The following SHISA9 variants were observed in gnomAD, a reference collection of about 807,000 sequenced individuals.
SHISA9 encodes the protein shisa family member 9, also known as protein shisa-9.
A neutral mutation model predicts 38.0 loss-of-function variants in SHISA9; 13 were observed. The ratio of observed to expected loss-of-function variants is 0.34; its 90% CI spans 0.22 to 0.54. SHISA9 has a LOEUF of 0.54. Ranked by LOEUF, SHISA9 falls within the 20% of genes least tolerant of loss-of-function variation. The pLI, the probability that SHISA9 is intolerant of heterozygous loss-of-function variation, is 0.91. For missense variants in SHISA9, 538 were observed against 575.8 expected (o/e 0.93, Z 0.67); for synonymous variants, 275 against 242.0 (o/e 1.14, Z -1.27).
chr16:13,327,832 T>C, the SHISA9 span, among the ~76,000 whole-genome samples: 1 of 151,606 alleles, frequency 6.6e-6, no homozygotes, highest in African/African-American at 2.4e-5. Flanking sequence ...AATTTTTGTA[T>C]TTTTTTAGTA....
chr16:13,496,409 G>A, the SHISA9 span, among the ~76,000 whole-genome samples: 1 of 151,992 alleles, frequency 6.6e-6, no homozygotes, highest in African/African-American at 2.4e-5. Context: ...TTAAAATTTA[G>A]TACAACTAGA....
At chr16:13,024,263 T>C (rs1596593253) in intron 2 of SHISA9, among the ~76,000 whole-genome samples, 1 of 152,214 alleles carries the variant, frequency 6.6e-6, no homozygotes, top group South Asian at 2.1e-4. Context: ...CTGGCAGCTG[T>C]AGGGAGGGAC....
At chr16:13,186,375 G>A (rs2050823310) in intron 2 of SHISA9, among the ~76,000 whole-genome samples, 1 of 135,492 alleles carries the variant, frequency 7.4e-6, no homozygotes, top group Non-Finnish European at 1.5e-5. Flanking sequence ...TCGGCTCACT[G>A]CAACCTCTGC....
chr16:12,949,876 A>G (rs533266354), intron 2 of SHISA9, among the ~76,000 whole-genome samples: 68 of 152,268 alleles, frequency 4.5e-4, no homozygotes, highest in African/African-American at 1.5e-3. Context: ...GGACCATTCC[A>G]AATTTTCTCT....
the SHISA9 span, among the ~76,000 whole-genome samples, chr16:13,340,525 T>C: frequency 6.6e-6 from 1 of 152,172 alleles, no homozygotes; most frequent in African/African-American, 2.4e-5. Flanking sequence ...AGACACATGA[T>C]CAAAACTGTC....
chr16:13,438,227 GA>G, the SHISA9 span, among the ~76,000 whole-genome samples: 1 of 152,156 alleles, frequency 6.6e-6, no homozygotes, highest in Non-Finnish European at 1.5e-5. Context: ...CACCTTGTGT[GA>G]CCCTTAGTTT....
the SHISA9 span, among the ~76,000 whole-genome samples, chr16:13,321,944 G>A: frequency 6.6e-6 from 1 of 152,184 alleles, no homozygotes; most frequent in Admixed American, 6.5e-5. Context: ...ATTTTTTAAA[G>A]TACCTGACAC....
intron 2 of SHISA9, among the ~76,000 whole-genome samples, chr16:13,031,040 C>G (rs748672405): frequency 1.2e-4 from 18 of 152,166 alleles, no homozygotes; most frequent in Non-Finnish European, 2.4e-4. Context: ...TATCTTCCAG[C>G]CGTTTATATG....
chr16:12,981,201 G>C (rs1015972404), intron 2 of SHISA9, among the ~76,000 whole-genome samples: 4 of 152,196 alleles, frequency 2.6e-5, no homozygotes, highest in Admixed American at 6.5e-5. Flanking sequence ...CAGGGGCTAG[G>C]GGGTAGGTGA....
At chr16:13,451,352 C>A in the SHISA9 span, among the ~76,000 whole-genome samples, 1 of 152,312 alleles carries the variant, frequency 6.6e-6, no homozygotes, top group East Asian at 1.9e-4. Context: ...TGGGAAGAAA[C>A]CAAGCACAGA....
chr16:13,120,217 G>T (rs1418224467), intron 2 of SHISA9, among the ~76,000 whole-genome samples: 2 of 152,228 alleles, frequency 1.3e-5, no homozygotes, highest in African/African-American at 4.8e-5. Flanking sequence ...AAGCTAGTTT[G>T]AACGCAGAGT....
At position 13,202,396 on chromosome 16, in the gene SHISA9, A is replaced by G. The variant is rs1484787357; in HGVS notation, c.692-998A>G. Among the ~76,000 whole-genome samples the G allele has an allele frequency of 1.5e-5, 2 of 132,288 alleles. 1 individual carries two copies. The highest frequency in any genetic ancestry group is 1.5e-4 in the Admixed American group (2 of 13,388). 86.8% of individuals were successfully genotyped at this position (132,288 alleles called of 152,430 possible). A position where few individuals can be genotyped will look rare whatever the true frequency, so the allele number is the denominator to read the frequency against. On this transcript the variant is annotated intron_variant, in intron 2 of 4. Transcript: ENST00000558583. ...CTTCCTGTAGATCTCAGCTCAGAAA[A>G]ACCTTCCTGAATCTCTCTTTCCTTG...
intron 2 of SHISA9, among the ~76,000 whole-genome samples, chr16:12,954,734 A>G (rs1319980363): frequency 6.6e-6 from 1 of 152,192 alleles, no homozygotes; most frequent in Non-Finnish European, 1.5e-5. Flanking sequence ...AGATTAGGAA[A>G]CAGTTGTAGA....
the SHISA9 span, among the ~76,000 whole-genome samples, chr16:13,388,510 C>A: frequency 7.2e-5 from 11 of 151,984 alleles, no homozygotes; most frequent in Admixed American, 3.9e-4. Flanking sequence ...CAGGTTTTCA[C>A]CATGTTGGCC....
At chr16:12,992,676 G>A (rs1233199319) in intron 2 of SHISA9, among the ~76,000 whole-genome samples, 2 of 152,206 alleles carry the variant, frequency 1.3e-5, no homozygotes, top group East Asian at 3.9e-4. Context: ...ACAAAAGGCT[G>A]TTTTCCGCAA....
the SHISA9 span, among the ~76,000 whole-genome samples, chr16:13,263,114 T>A: frequency 6.6e-6 from 1 of 152,204 alleles, no homozygotes; most frequent in Non-Finnish European, 1.5e-5. Flanking sequence ...GAGCCTTCAC[T>A]CCACCTCACT....
chr16:13,441,305 C>T, the SHISA9 span, among the ~76,000 whole-genome samples: 1 of 152,168 alleles, frequency 6.6e-6, no homozygotes, highest in African/African-American at 2.4e-5. Flanking sequence ...TCAGGAGGTT[C>T]CTGGAGTCAC....
chr16:13,140,366 AG>A (rs1427714893), intron 2 of SHISA9, among the ~76,000 whole-genome samples: 1 of 151,858 alleles, frequency 6.6e-6, no homozygotes, highest in East Asian at 1.9e-4. Flanking sequence ...TAGTAGAGAC[AG>A]GGTTTCACTG....
chr16:13,235,446 A>C lies in SHISA9; in HGVS notation c.*37A>C, dbSNP rs2051373606. Reference sequence around the variant, plus strand: ...AGGGAGCACCCTGGAGACCACACTCAACTGAGAGAGGCAAAAAACAACCCC... The same window carrying C: ...AGGGAGCACCCTGGAGACCACACTCCACTGAGAGAGGCAAAAAACAACCCC... On this transcript the variant is annotated 3_prime_UTR_variant, in exon 5 of 5. Transcript: ENST00000558583. 2 of 1,499,686 alleles carry C rather than the reference A, an allele frequency of 1.3e-6. No homozygotes were observed. The highest frequency in any genetic ancestry group is 2.5e-5 in the East Asian group (1 of 40,472). The allele number at this position is 1,499,686 out of a possible 1,614,324, so 92.9% of individuals were successfully genotyped here. A position where few individuals can be genotyped will look rare whatever the true frequency, so the allele number is the denominator to read the frequency against.
Sources: allele counts gnomAD v4.1 joint callset (sites outside exome capture counted in the v4.1 genomes callset), GRCh38; gene constraint gnomAD v4.1.1; transcripts MANE v1.5; gene names NCBI Gene and HGNC (gene_info 2026-07-23, HGNC 2026-07-21).